The following ATG10 variants were observed in gnomAD, a reference collection of about 807,000 sequenced individuals.
ATG10 encodes the protein ubiquitin-like-conjugating enzyme ATG10.
In ATG10, 30 loss-of-function variants were observed where a neutral mutation model predicts 32.1. The ratio of observed to expected loss-of-function variants is 0.94; its 90% CI spans 0.70 to 1.27. The LOEUF (loss-of-function observed/expected upper bound fraction) is 1.27, where lower values mean the gene tolerates loss of function less well. ATG10 is among the 50% of genes most tolerant of loss of function. The probability of loss-of-function intolerance (pLI) is 0.00; values close to 1 mark genes in which losing one functional copy is unlikely to be tolerated. For missense variants in ATG10, 233 were observed against 262.3 expected (o/e 0.89, Z 0.77); for synonymous variants, 87 against 91.5 (o/e 0.95, Z 0.28).
chr5:82,045,435 G>T (rs956159967), intron 2 of ATG10, among the ~76,000 whole-genome samples: 1 of 152,130 alleles, frequency 6.6e-6, no homozygotes, highest in Non-Finnish European at 1.5e-5. Flanking sequence ...GGAACTGAAG[G>T]AGAGGAGATA....
chr5:82,096,005 T>G (rs2149797444), intron 3 of ATG10, among the ~76,000 whole-genome samples: 1 of 152,336 alleles, frequency 6.6e-6, no homozygotes, highest in Middle Eastern at 3.4e-3. Flanking sequence ...GTCTATCAGC[T>G]TCTTTCCTTT....
chr5:82,195,585 C>T (rs182656773), intron 5 of ATG10, among the ~76,000 whole-genome samples: 1 of 152,252 alleles, frequency 6.6e-6, no homozygotes, highest in African/African-American at 2.4e-5. Context: ...TAACTTTTTT[C>T]TCTATAGAGT....
intron 2 of ATG10, among the ~76,000 whole-genome samples, chr5:81,997,039 CAT>C (rs998271690): frequency 6.6e-6 from 1 of 151,974 alleles, no homozygotes; most frequent in African/African-American, 2.4e-5. Context: ...CACACACACA[CAT>C]GGATGCCAGT....
At chr5:82,138,140 A>G (rs951335343) in intron 3 of ATG10, among the ~76,000 whole-genome samples, 1 of 152,200 alleles carries the variant, frequency 6.6e-6, no homozygotes, top group Non-Finnish European at 1.5e-5. Context: ...ATTTCAAGCC[A>G]GTGGATCTTA....
chr5:82,120,314 G>A (rs528466564), intron 3 of ATG10, among the ~76,000 whole-genome samples: 43 of 152,282 alleles, frequency 2.8e-4, no homozygotes, highest in African/African-American at 9.9e-4. Context: ...TTGATAGTCA[G>A]GTTGGAGCCA....
At position 82,022,188 on chromosome 5, in the gene ATG10, C is replaced by CA. The variant is rs1243283026; in HGVS notation, c.108+34523dup. Among the ~76,000 whole-genome samples the CA allele has an allele frequency of 5.7e-4, 75 of 130,928 alleles. 2 individuals are homozygous for CA. The highest frequency in any genetic ancestry group is 1.2e-3 in the South Asian group (5 of 4,134). The allele number at this position is 130,928 out of a possible 152,430, so 85.9% of individuals were successfully genotyped here. ...TGGGTGACAGAGCAATACTCCGTCT[C>CA]AAAAAAAAAAAAATTTTATCTGAGG... On this transcript the variant is annotated intron_variant, in intron 2 of 7. Transcript: ENST00000282185.
At chr5:82,044,526 G>A (rs1166821478) in intron 2 of ATG10, among the ~76,000 whole-genome samples, 1 of 151,964 alleles carries the variant, frequency 6.6e-6, no homozygotes, top group Non-Finnish European at 1.5e-5. Context: ...TTGAAAGCCA[G>A]ACATTGTGAG....
At chr5:82,139,962 C>T (rs1767008291) in intron 3 of ATG10, among the ~76,000 whole-genome samples, 1 of 131,060 alleles carries the variant, frequency 7.6e-6, no homozygotes, top group Non-Finnish European at 1.7e-5. Context: ...CTCCGCCCGG[C>T]CAGCCGCCCC....
chr5:82,129,515 G>A lies in ATG10; in HGVS notation c.217-34884G>A, dbSNP rs189826040. Among the ~76,000 whole-genome samples the A allele has an allele frequency of 1.8e-4, 27 of 152,096 alleles. No homozygotes were observed. In the Middle Eastern group the frequency reaches 0.01, roughly 57 times the overall value. The stretch of plus-strand genomic sequence containing the variant: ...TTGGTCTTTGATGCTGAAGCCCTTC[G>A]GATGGGGTTTCTTTGTGGACAATCT... On this transcript the variant is annotated intron_variant, in intron 3 of 7. Transcript: ENST00000282185.
chr5:82,037,476 T>C (rs894549609), intron 2 of ATG10, among the ~76,000 whole-genome samples: 2 of 151,138 alleles, frequency 1.3e-5, no homozygotes, highest in Admixed American at 6.6e-5. Context: ...CTCGATCTCC[T>C]GACCTCGTGA....
At chr5:82,158,361 C>A (rs1420865646) in intron 3 of ATG10, among the ~76,000 whole-genome samples, 4 of 151,304 alleles carry the variant, frequency 2.6e-5, no homozygotes. Context: ...CCCCCGCCCC[C>A]CATCTCTGTG....
intron 2 of ATG10, among the ~76,000 whole-genome samples, chr5:81,993,360 C>CTTCTTTTCTTTTCTTTTCTT (rs1420358116): frequency 8.6e-5 from 4 of 46,770 alleles, no homozygotes; most frequent in Non-Finnish European, 1.2e-4. Context: ...TCTTTCTTTC[C>CTTCTTTTCTTTTCTTTTCTT]TTCTTTTCTT....
chr5:82,093,922 G>A (rs999995393), intron 3 of ATG10, among the ~76,000 whole-genome samples: 3 of 152,112 alleles, frequency 2.0e-5, no homozygotes, highest in African/African-American at 7.2e-5. Context: ...CATGACTTAC[G>A]ACTGGTGAGA....
At chr5:82,252,773 AAC>A (rs1218148079) in intron 6 of ATG10, 114 bp downstream of exon 6, 13 of 655,840 alleles carry the variant, frequency 2.0e-5, no homozygotes, top group African/African-American at 7.5e-5. Flanking sequence ...AATAATGGCT[AAC>A]ACAATGATTT....
intron 3 of ATG10, among the ~76,000 whole-genome samples, chr5:82,082,260 G>C (rs939211926): frequency 2.6e-5 from 4 of 152,122 alleles, no homozygotes; most frequent in African/African-American, 9.7e-5. Flanking sequence ...GGTAAAATCA[G>C]ACTGGCTTTT....
At chr5:81,999,331 TA>T (rs1036085155) in intron 2 of ATG10, among the ~76,000 whole-genome samples, 2 of 152,100 alleles carry the variant, frequency 1.3e-5, no homozygotes, top group Non-Finnish European at 2.9e-5. Flanking sequence ...TCTTTGAAAC[TA>T]TTGAGAACAA....
intron 4 of ATG10, among the ~76,000 whole-genome samples, chr5:82,166,911 A>G (rs1743607147): frequency 6.6e-6 from 1 of 152,170 alleles, no homozygotes; most frequent in Non-Finnish European, 1.5e-5. Flanking sequence ...TTGTTAGTAC[A>G]AATTAATTTC....
chr5:82,059,699 T>G (rs150091128), intron 3 of ATG10, among the ~76,000 whole-genome samples: 70 of 152,286 alleles, frequency 4.6e-4, no homozygotes, highest in Middle Eastern at 3.4e-3. Context: ...TCAGAACATG[T>G]TAAATCAGGC....
intron 5 of ATG10, among the ~76,000 whole-genome samples, chr5:82,212,421 C>T (rs978031441): frequency 4.6e-5 from 7 of 152,188 alleles, no homozygotes; most frequent in African/African-American, 1.4e-4. Flanking sequence ...GGTATACAAG[C>T]ACCTTTATTA....
Sources: allele counts gnomAD v4.1 joint callset (sites outside exome capture counted in the v4.1 genomes callset), GRCh38; gene constraint gnomAD v4.1.1; transcripts MANE v1.5; gene names NCBI Gene and HGNC (gene_info 2026-07-23, HGNC 2026-07-21).